The following RBFOX3 variants were observed in gnomAD, a reference collection of about 807,000 sequenced individuals.
RBFOX3 encodes the protein RNA binding fox-1 homolog 3, also known as RNA binding protein fox-1 homolog 3.
RBFOX3 carries 17 observed loss-of-function variants against 48.7 expected under a neutral mutation model. The ratio of observed to expected loss-of-function variants is 0.35; its 90% CI spans 0.24 to 0.52. The LOEUF is 0.52. Among genes scored for constraint, RBFOX3 ranks in the 20% least tolerant of loss-of-function variants. The pLI is 0.94. For synonymous variants in RBFOX3, 212 were observed against 209.5 expected, an observed-to-expected ratio of 1.01 and a Z score of -0.10; for missense variants, 382 against 497.5, an observed-to-expected ratio of 0.77 and a Z score of 2.21.
chr17:79,623,803 C>T, the RBFOX3 span, among the ~76,000 whole-genome samples: 1 of 137,480 alleles, frequency 7.3e-6, no homozygotes, highest in Non-Finnish European at 1.5e-5. Flanking sequence ...GCCTGAGCAA[C>T]AAGAGCTAAA....
chr17:79,378,512 C>T (rs544655731), intron 2 of RBFOX3, among the ~76,000 whole-genome samples: 16 of 152,214 alleles, frequency 1.1e-4, no homozygotes, highest in South Asian at 2.1e-4. Flanking sequence ...GGACATAACC[C>T]GTGGCCGCCC....
Position 79,199,473 on chromosome 17 carries a change from T to C in RBFOX3, c.-34+36293A>G, listed in dbSNP as rs964405320. On this transcript the variant is annotated intron_variant, in intron 4 of 14. Transcript: ENST00000693108. The surrounding 1 kb of genome is among the most constrained non-coding windows in gnomAD (Gnocchi z 5.1). ...GGGGGAAATCAGCCCAGGTGGGACT[T>C]GAGGAAGAGGAGAAGGCCAGCCATC... Among the ~76,000 whole-genome samples, 4 of 151,568 alleles carry C rather than the reference T, an allele frequency of 2.6e-5. No homozygotes were observed. Among genetic ancestry groups the C allele is most frequent in the South Asian group, 4.2e-4 (2 of 4,800 alleles).
chr17:79,141,924 C>T (rs911732186), intron 4 of RBFOX3, among the ~76,000 whole-genome samples: 1 of 152,188 alleles, frequency 6.6e-6, no homozygotes, highest in Admixed American at 6.5e-5. Context: ...CCTGACCTCA[C>T]AGGAAGAAAG....
Position 79,501,262 on chromosome 17 carries a change from AAGAC to A in RBFOX3, c.-319-18668_-319-18665del, listed in dbSNP as rs1266543838. Among the ~76,000 whole-genome samples the A allele has an allele frequency of 5.8e-3, 886 of 152,340 alleles. 17 individuals are homozygous for A. Among genetic ancestry groups the A allele is most frequent in the African/African-American group, 0.02 (852 of 41,576 alleles). ...TCCAGCCTGCTTGCAGGCTGCGGGG[AAGAC>A]AGACAGGCCCATTCACTGGGCGGGC... On this transcript the variant is annotated intron_variant, in intron 1 of 14. Coordinates refer to ENST00000693108, the MANE Select transcript of RBFOX3 (RefSeq NM_001350451.2).
At chr17:79,139,760 G>C (rs2041527746) in intron 4 of RBFOX3, among the ~76,000 whole-genome samples, 1 of 152,194 alleles carries the variant, frequency 6.6e-6, no homozygotes, top group Admixed American at 6.5e-5. Flanking sequence ...CTGCCGCTAG[G>C]GATCAGCCAG....
intron 1 of RBFOX3, among the ~76,000 whole-genome samples, chr17:79,585,383 C>A (rs1218874903): frequency 6.6e-6 from 1 of 151,654 alleles, no homozygotes; most frequent in Non-Finnish European, 1.5e-5. Context: ...TGGTGAAACC[C>A]CATCTCTACT....
the RBFOX3 span, among the ~76,000 whole-genome samples, chr17:79,652,918 A>G: frequency 6.6e-6 from 1 of 152,196 alleles, no homozygotes; most frequent in Non-Finnish European, 1.5e-5. Context: ...ACATTTCAGA[A>G]CACCAAGGAT....
chr17:79,101,676 G>C (rs761386588), intron 8 of RBFOX3, 32 bp from the exon 9 acceptor site: 9 of 1,544,878 alleles, frequency 5.8e-6, no homozygotes, highest in Non-Finnish European at 6.1e-6. Flanking sequence ...GAGAGGAAGA[G>C]GGAGGATTAG....
intron 6 of RBFOX3, among the ~76,000 whole-genome samples, chr17:79,105,154 C>CG: frequency 6.6e-6 from 1 of 152,294 alleles, no homozygotes; most frequent in Middle Eastern, 3.4e-3. Context: ...GTCCTGGAGG[C>CG]GGGGGGTGCA....
At chr17:79,407,794 G>A (rs978854145) in intron 2 of RBFOX3, among the ~76,000 whole-genome samples, 1 of 152,152 alleles carries the variant, frequency 6.6e-6, no homozygotes, top group African/African-American at 2.4e-5. Flanking sequence ...AATGCAAGGC[G>A]CCCTCTGAGA....
intron 4 of RBFOX3, among the ~76,000 whole-genome samples, chr17:79,167,906 G>A (rs934822358): frequency 6.6e-6 from 1 of 152,206 alleles, no homozygotes; most frequent in African/African-American, 2.4e-5. Flanking sequence ...AAGGCTCTAT[G>A]GATTTCCGAG....
At chr17:79,160,980 C>CAA (rs58561038) in intron 4 of RBFOX3, among the ~76,000 whole-genome samples, 10 of 107,242 alleles carry the variant, frequency 9.3e-5, no homozygotes, top group Non-Finnish European at 8.5e-5. Flanking sequence ...GACTCCATCT[C>CAA]AAAAAAAAAA....
intron 2 of RBFOX3, among the ~76,000 whole-genome samples, chr17:79,383,417 C>T (rs1046980761): frequency 6.6e-6 from 1 of 152,290 alleles, no homozygotes; most frequent in African/African-American, 2.4e-5. Context: ...TGTATCTACC[C>T]TTCAGCACAG....
the RBFOX3 span, among the ~76,000 whole-genome samples, chr17:79,661,195 C>T: frequency 2.0e-5 from 3 of 152,158 alleles, no homozygotes; most frequent in South Asian, 2.1e-4. Context: ...GGTGATGGGA[C>T]GAGCTGTGCA....
At chr17:79,333,196 A>G (rs1240830803) in intron 2 of RBFOX3, among the ~76,000 whole-genome samples, 1 of 152,100 alleles carries the variant, frequency 6.6e-6, no homozygotes, top group Non-Finnish European at 1.5e-5. Flanking sequence ...CCAAAACCAC[A>G]TTTACACGCA....
intron 2 of RBFOX3, among the ~76,000 whole-genome samples, chr17:79,440,823 C>T (rs2070749420): frequency 6.6e-6 from 1 of 152,182 alleles, no homozygotes; most frequent in African/African-American, 2.4e-5. Flanking sequence ...CACCCCTGCT[C>T]CTGACCACGG....
chr17:79,492,520 G>A (rs2080841261), intron 1 of RBFOX3, among the ~76,000 whole-genome samples: 1 of 152,218 alleles, frequency 6.6e-6, no homozygotes, highest in South Asian at 2.1e-4. Context: ...AGCCACGAGA[G>A]AGACCAGCTT....
intron 2 of RBFOX3, among the ~76,000 whole-genome samples, chr17:79,396,725 C>T (rs1422058264): frequency 6.6e-6 from 1 of 152,206 alleles, no homozygotes; most frequent in African/African-American, 2.4e-5. Context: ...TGAAAGCTGT[C>T]CCCCTCGGGC....
intron 2 of RBFOX3, among the ~76,000 whole-genome samples, chr17:79,318,777 C>G (rs148901552): frequency 0.023 from 3,188 of 141,324 alleles, 136 homozygotes; most frequent in African/African-American, 0.081. Context: ...ATGGTGTGAA[C>G]CCGGGAGGCA....
Sources: allele counts gnomAD v4.1 joint callset (sites outside exome capture counted in the v4.1 genomes callset), GRCh38; gene constraint gnomAD v4.1.1; non-coding constraint Gnocchi (gnomAD v3.1); transcripts MANE v1.5; gene names NCBI Gene and HGNC (gene_info 2026-07-23, HGNC 2026-07-21).